ATP2C2: variants seen among roughly 807,000 people sequenced by gnomAD.
The protein encoded by ATP2C2 is calcium-transporting ATPase type 2C member 2.
A neutral mutation model predicts 110.8 loss-of-function variants in ATP2C2; 171 were observed. The ratio of observed to expected loss-of-function variants is 1.54; its 90% CI spans 1.36 to 1.75. The LOEUF is 1.75. Ranked by LOEUF, ATP2C2 falls within the 40% of genes most tolerant of loss-of-function variation. The pLI is 0.00. For synonymous variants in ATP2C2, 804 were observed against 508.4 expected, an observed-to-expected ratio of 1.58 and a Z score of -7.82; for missense variants, 1,963 against 1,235.0, an observed-to-expected ratio of 1.59 and a Z score of -8.84.
At chr16:84,433,018 G>T (rs1050194485) in intron 11 of ATP2C2, among the ~76,000 whole-genome samples, 2 of 152,150 alleles carry the variant, frequency 1.3e-5, no homozygotes, top group African/African-American at 4.8e-5. Flanking sequence ...CGGCAGGGAG[G>T]GAGACATTTG....
intron 6 of ATP2C2, 136 bp downstream of exon 6, chr16:84,410,901 G>A (rs1369640361): frequency 3.5e-6 from 3 of 850,484 alleles, no homozygotes; most frequent in Non-Finnish European, 5.6e-6. Context: ...GAGTTCTAAG[G>A]CCTGGTCTCC....
Position 84,398,584 on chromosome 16 carries a change from AAG to A in ATP2C2, c.188_189del (p.Glu63GlyfsTer30), listed in dbSNP as rs1597759369. 1.9e-6 allele frequency: 3 copies of A among 1,612,882 alleles called. No homozygotes were observed. The highest frequency in any genetic ancestry group is 2.5e-6 in the Non-Finnish European group (3 of 1,179,498). On this transcript the variant is annotated frameshift_variant, in exon 2 of 27. Transcript: ENST00000262429. LOFTEE classifies it high-confidence loss of function. ...CCCAAGGAAGCGTGCAAATGCCAGAAAGAGGATTTGGCCAGAGCGTTTTGTGT... is the reference window on the plus strand; with the variant it reads ...CCCAAGGAAGCGTGCAAATGCCAGAAAGGATTTGGCCAGAGCGTTTTGTGT...
At chr16:84,451,892 A>AC in intron 17 of ATP2C2, 29 bp from the exon 18 acceptor site, 1 of 1,590,378 alleles carries the variant, frequency 6.3e-7, no homozygotes, top group South Asian at 1.1e-5. Context: ...GCCCCCGGTG[A>AC]CCCCTCCTTA....
rs564070721 is a variant in ATP2C2, at chr16:84,439,423, C to G, written c.1112-4C>G. ...CTTCTATAAACTGGTGTTTGTTGTACCAGGTTGCTGCAGCGTTCTCTGTTC... is the reference window on the plus strand; with the variant it reads ...CTTCTATAAACTGGTGTTTGTTGTAGCAGGTTGCTGCAGCGTTCTCTGTTC... On this transcript the variant is annotated splice_region_variant and splice_polypyrimidine_tract_variant and intron_variant, in intron 12 of 26. Transcript: ENST00000262429. 5.9e-5 allele frequency: 95 copies of G among 1,614,000 alleles called. 2 individuals carry two copies. The South Asian group carries it at 9.0e-4, about 15-fold the overall frequency.
intron 15 of ATP2C2, 133 bp downstream of exon 15, chr16:84,442,732 G>A: frequency 1.2e-6 from 1 of 821,254 alleles, no homozygotes. Flanking sequence ...GGCCCACACT[G>A]GCCTTGGGCC....
intron 11 of ATP2C2, among the ~76,000 whole-genome samples, chr16:84,431,047 A>G (rs553699280): frequency 5.3e-5 from 8 of 152,204 alleles, no homozygotes; most frequent in East Asian, 1.9e-4. Context: ...GTTTACATCA[A>G]AAGTGCTGAT....
intron 1 of ATP2C2, among the ~76,000 whole-genome samples, chr16:84,373,077 G>A (rs1005445946): frequency 4.5e-4 from 63 of 141,150 alleles, no homozygotes; most frequent in African/African-American, 1.5e-3. Flanking sequence ...CTGAGATCAC[G>A]AAACTGCACT....
At chr16:84,411,947 TCTTTC>T (rs1327035850) in intron 6 of ATP2C2, among the ~76,000 whole-genome samples, 2 of 151,334 alleles carry the variant, frequency 1.3e-5, no homozygotes, top group East Asian at 1.9e-4. Context: ...TCTTTTCTTT[TCTTTC>T]TTTTCTTTCT....
chr16:84,388,902 G>C lies in ATP2C2; in HGVS notation c.100-9597G>C, dbSNP rs568140455. ...TTCTCCTGCCTCAGCCTCCTGAGTA[G>C]CTGGGGCTACAGGTGGGCGCCACCA... is the stretch of plus-strand genomic sequence containing the variant. On this transcript the variant is annotated intron_variant, in intron 1 of 26. Transcript: ENST00000262429. Among the ~76,000 whole-genome samples the C allele has an allele frequency of 6.6e-5, 10 of 152,290 alleles. No individual in the cohort carries two copies. The South Asian group carries it at 2.1e-3, about 32-fold the overall frequency.
intron 26 of ATP2C2, 162 bp downstream of exon 26, chr16:84,462,291 A>C (rs1751196025): frequency 1.1e-6 from 1 of 891,792 alleles, no homozygotes; most frequent in South Asian, 1.8e-5. Flanking sequence ...ACAGGAAGGG[A>C]CTCTAACGTG....
chr16:84,394,629 G>A (rs536089134), intron 1 of ATP2C2, among the ~76,000 whole-genome samples: 1 of 152,226 alleles, frequency 6.6e-6, no homozygotes, highest in African/African-American at 2.4e-5. Flanking sequence ...CAGGAGGGCT[G>A]TGCTCTCTCT....
chr16:84,421,435 G>A (rs945238808), intron 7 of ATP2C2, among the ~76,000 whole-genome samples: 2 of 152,208 alleles, frequency 1.3e-5, no homozygotes, highest in African/African-American at 4.8e-5. Flanking sequence ...AAATTATAGA[G>A]AAGTCGCAGG....
chr16:84,413,442 C>A (rs1031235076), intron 6 of ATP2C2, among the ~76,000 whole-genome samples: 3 of 152,118 alleles, frequency 2.0e-5, no homozygotes, highest in Admixed American at 6.5e-5. Context: ...GAGGGTGAGT[C>A]AATTGTAGAA....
chr16:84,369,885 T>TA (rs1218017997), intron 1 of ATP2C2, among the ~76,000 whole-genome samples: 1 of 152,202 alleles, frequency 6.6e-6, no homozygotes, highest in Non-Finnish European at 1.5e-5. Flanking sequence ...CAATCTCGAT[T>TA]TTTCTGAAGT....
At chr16:84,439,649 TCTC>T in intron 13 of ATP2C2, 125 bp downstream of exon 13, 3 of 912,344 alleles carry the variant, frequency 3.3e-6, no homozygotes, top group South Asian at 1.5e-5. Context: ...CATCTTATAA[TCTC>T]CTTGCTAACA....
intron 1 of ATP2C2, among the ~76,000 whole-genome samples, chr16:84,396,262 C>G (rs557496220): frequency 6.6e-6 from 1 of 151,712 alleles, no homozygotes; most frequent in South Asian, 2.1e-4. Context: ...TTATGTGTTT[C>G]GAGCCAGGTG....
chr16:84,384,370 T>C (rs1478350089), intron 1 of ATP2C2, among the ~76,000 whole-genome samples: 2 of 152,198 alleles, frequency 1.3e-5, no homozygotes, highest in African/African-American at 4.8e-5. Context: ...TTTGAGTTTG[T>C]CTAATGTTTC....
At chr16:84,423,646 C>T (rs149558507) in intron 10 of ATP2C2, among the ~76,000 whole-genome samples, 1 of 152,298 alleles carries the variant, frequency 6.6e-6, no homozygotes, top group African/African-American at 2.4e-5. Context: ...TGTTTCTGTT[C>T]AGCCAGCAGA....
intron 1 of ATP2C2, among the ~76,000 whole-genome samples, chr16:84,396,474 C>T (rs1014856474): frequency 4.7e-5 from 7 of 148,570 alleles, no homozygotes; most frequent in Middle Eastern, 3.2e-3. Flanking sequence ...CGCTTGAACC[C>T]GGGAGGAGGA....
Sources: gnomAD v4.1 joint callset for allele counts (sites outside exome capture counted in the v4.1 genomes callset) on GRCh38, gnomAD v4.1.1 for gene constraint, MANE v1.5 for transcripts, NCBI Gene and HGNC (gene_info 2026-07-23, HGNC 2026-07-21) for gene names.